ANO3: variants seen among roughly 807,000 people sequenced by gnomAD.
ANO3 encodes the protein anoctamin-3.
A neutral mutation model predicts 144.8 loss-of-function variants in ANO3; 99 were observed. That is an observed-to-expected ratio of 0.68 (90% CI 0.58 to 0.81). The LOEUF is 0.81. Among genes scored for constraint, ANO3 ranks in the 30% least tolerant of loss-of-function variants. The pLI is 0.00. For synonymous variants in ANO3, 414 were observed against 392.6 expected, an observed-to-expected ratio of 1.05 and a Z score of -0.64; for missense variants, 905 against 1,202.2, an observed-to-expected ratio of 0.75 and a Z score of 3.66.
intron 3 of ANO3, among the ~76,000 whole-genome samples, chr11:26,461,122 G>A (rs762664397): frequency 1.1e-4 from 16 of 152,024 alleles, no homozygotes; most frequent in Non-Finnish European, 8.8e-5. Flanking sequence ...GCAAGCGAGC[G>A]AGCGCGAGAG....
intron 1 of ANO3, among the ~76,000 whole-genome samples, chr11:26,384,395 G>A (rs1252277289): frequency 6.6e-6 from 1 of 152,126 alleles, no homozygotes; most frequent in Non-Finnish European, 1.5e-5. Context: ...ACATGGAGAA[G>A]TCTGCAAGAA....
At chr11:26,632,530 T>TTA (rs1459391852) in intron 18 of ANO3, among the ~76,000 whole-genome samples, 3 of 146,234 alleles carry the variant, frequency 2.1e-5, no homozygotes, top group Admixed American at 6.9e-5. Flanking sequence ...AAAAAAAAAT[T>TTA]TATATATATA....
intron 3 of ANO3, among the ~76,000 whole-genome samples, chr11:26,447,126 G>C (rs1173129528): frequency 6.8e-6 from 1 of 146,710 alleles, no homozygotes; most frequent in Non-Finnish European, 1.5e-5. Context: ...AGTATCACTT[G>C]AGCCCAGGAG....
intron 1 of ANO3, among the ~76,000 whole-genome samples, chr11:26,349,354 TG>T (rs1429076976): frequency 6.6e-6 from 1 of 152,206 alleles, no homozygotes; most frequent in African/African-American, 2.4e-5. Context: ...GCCTTAAACT[TG>T]TGCAAATGTT....
chr11:26,613,244 A>G (rs1852152848), intron 17 of ANO3, among the ~76,000 whole-genome samples: 1 of 152,146 alleles, frequency 6.6e-6, no homozygotes, highest in African/African-American at 2.4e-5. Context: ...TTCAAGCTTA[A>G]AAATATATTA....
intron 1 of ANO3, among the ~76,000 whole-genome samples, chr11:26,194,721 C>T (rs1263837546): frequency 6.6e-6 from 1 of 151,770 alleles, no homozygotes; most frequent in South Asian, 2.1e-4. Flanking sequence ...CATACCACCA[C>T]ACCTGGCTAA....
At chr11:26,565,086 A>G (rs1394755423) in intron 14 of ANO3, 2 of 1,355,710 alleles carry the variant, frequency 1.5e-6, no homozygotes, top group Non-Finnish European at 2.0e-6. Context: ...CAGCATGGTG[A>G]TTCCTTAGAC....
At chr11:26,454,451 C>T (rs954872447) in intron 3 of ANO3, among the ~76,000 whole-genome samples, 2 of 152,162 alleles carry the variant, frequency 1.3e-5, no homozygotes, top group Non-Finnish European at 2.9e-5. Context: ...ACAAACACCT[C>T]TACTCAAATA....
chr11:26,485,599 T>A (rs1860413663), intron 4 of ANO3, among the ~76,000 whole-genome samples: 1 of 152,090 alleles, frequency 6.6e-6, no homozygotes, highest in African/African-American at 2.4e-5. Flanking sequence ...GAAAAATACA[T>A]CTGATGATTA....
chr11:26,478,990 T>C (rs1860092673), intron 4 of ANO3, among the ~76,000 whole-genome samples: 1 of 152,188 alleles, frequency 6.6e-6, no homozygotes, highest in South Asian at 2.1e-4. Flanking sequence ...TCTGTCAAGT[T>C]CATTTTGTCT....
intron 4 of ANO3, chr11:26,474,277 TTAAAG>T (rs1365421327): frequency 2.5e-5 from 5 of 198,126 alleles, no homozygotes; most frequent in South Asian, 1.7e-4. Flanking sequence ...GATATATATT[TTAAAG>T]TAAAGTATGA....
In ANO3 at chr11:26,404,933, ATGTGTGTGTGTGTG is replaced by A. The variant is rs56103536; in HGVS notation, c.47-36951_47-36938del. Among the ~76,000 whole-genome samples the A allele has an allele frequency of 7.4e-3, 1,083 of 146,272 alleles. 6 individuals carry two copies. The highest frequency in any genetic ancestry group is 0.021 in the African/African-American group (839 of 39,174). On this transcript the variant is annotated intron_variant, in intron 1 of 26. Coordinates refer to ENST00000256737, the MANE Select transcript of ANO3 (RefSeq NM_031418.4). ...TAATTTCAGCAAGGAATTTATATAT[ATGTGTGTGTGTGTG>A]TGTGTGTGTGTGTGTGTGTGTGTGT...
intron 17 of ANO3, among the ~76,000 whole-genome samples, chr11:26,604,662 T>C (rs11029634): frequency 0.12 from 17,853 of 152,098 alleles, 1,226 homozygotes; most frequent in African/African-American, 0.19. Flanking sequence ...GGAATTTTAT[T>C]CTCTTTGTAG....
chr11:26,592,945 C>T (rs950737458), intron 14 of ANO3, among the ~76,000 whole-genome samples: 3 of 152,098 alleles, frequency 2.0e-5, no homozygotes, highest in African/African-American at 7.2e-5. Flanking sequence ...GAGGGGATTA[C>T]TCCATATGAG....
intron 1 of ANO3, among the ~76,000 whole-genome samples, chr11:26,367,381 G>C (rs913447768): frequency 6.6e-6 from 1 of 151,976 alleles, no homozygotes; most frequent in Non-Finnish European, 1.5e-5. Context: ...ATTGCTCCAG[G>C]TTCCAGTAAG....
intron 1 of ANO3, among the ~76,000 whole-genome samples, chr11:26,413,737 T>A (rs1857494379): frequency 6.6e-6 from 1 of 152,026 alleles, no homozygotes; most frequent in Non-Finnish European, 1.5e-5. Flanking sequence ...AATCATTGAG[T>A]GTTATTATTA....
chr11:26,336,605 T>C (rs536722151), intron 1 of ANO3, among the ~76,000 whole-genome samples: 1 of 152,342 alleles, frequency 6.6e-6, no homozygotes, highest in African/African-American at 2.4e-5. Context: ...AGTTCTGAAT[T>C]CAAATTACCT....
chr11:26,525,998 G>A (rs1362778498), intron 7 of ANO3, among the ~76,000 whole-genome samples: 2 of 152,014 alleles, frequency 1.3e-5, no homozygotes, highest in Non-Finnish European at 2.9e-5. Context: ...ATGTTTAAAT[G>A]ATGACCCACA....
At chr11:26,370,188 G>A (rs1407458618) in intron 1 of ANO3, among the ~76,000 whole-genome samples, 1 of 152,140 alleles carries the variant, frequency 6.6e-6, no homozygotes. Flanking sequence ...GGAATCATGG[G>A]TGTGGTTTTC....
Sources: allele counts gnomAD v4.1 joint callset (sites outside exome capture counted in the v4.1 genomes callset), GRCh38; gene constraint gnomAD v4.1.1; transcripts MANE v1.5; gene names NCBI Gene and HGNC (gene_info 2026-07-23, HGNC 2026-07-21).